The following SGO1 variants were observed in gnomAD, a reference collection of about 807,000 sequenced individuals.
SGO1 encodes the protein serologically defined breast cancer antigen NY-BR-85.
In SGO1, 39 loss-of-function variants were observed where a neutral mutation model predicts 50.5. That is an observed-to-expected ratio of 0.77 (90% CI 0.60 to 1.01). The LOEUF (loss-of-function observed/expected upper bound fraction) is 1.01, where lower values mean the gene tolerates loss of function less well. Ranked by LOEUF, SGO1 falls within the 50% of genes least tolerant of loss-of-function variation. The pLI is 0.00. For synonymous variants in SGO1, 191 were observed against 205.1 expected (o/e 0.93, Z 0.59); for missense variants, 638 against 606.0 (o/e 1.05, Z -0.55).
Position 20,169,900 on chromosome 3 carries a change from T to A in SGO1, c.*804A>T. ...GGTGTACCCTACTGTAAATGTCAAA[T>A]ATTTATTTTACTCGAATACTACACA... On this transcript the variant is annotated 3_prime_UTR_variant, in exon 8 of 8. Transcript: ENST00000412997. 1 of 983,228 alleles carries A rather than the reference T, an allele frequency of 1.0e-6. No homozygotes were observed. Among genetic ancestry groups the A allele is most frequent in the Non-Finnish European group, 1.2e-6 (1 of 827,954 alleles). 60.9% of individuals were successfully genotyped at this position (983,228 alleles called of 1,614,324 possible).
Sources: allele counts gnomAD v4.1 joint callset, GRCh38; gene constraint gnomAD v4.1.1; transcripts MANE v1.5; gene names NCBI Gene and HGNC (gene_info 2026-07-23, HGNC 2026-07-21).